LAMTOR1: variants seen among roughly 807,000 people sequenced by gnomAD.
LAMTOR1 encodes ragulator complex protein LAMTOR1.
Under a neutral mutation model 20.5 loss-of-function variants are expected in LAMTOR1, and 8 were observed. The observed-to-expected ratio is 0.39, with a 90% CI of 0.23 to 0.70. The LOEUF is 0.70. Among genes scored for constraint, LAMTOR1 ranks in the 30% least tolerant of loss-of-function variants. The pLI is 0.43. For missense variants in LAMTOR1, 135 were observed against 206.2 expected, an observed-to-expected ratio of 0.65 and a Z score of 2.11; for synonymous variants, 77 against 80.9, an observed-to-expected ratio of 0.95 and a Z score of 0.26.
Position 72,097,860 on chromosome 11 carries a change from C to T in LAMTOR1, c.448G>A (p.Ala150Thr), listed in dbSNP as rs746945929. 6 of 1,612,954 alleles carry T rather than the reference C, an allele frequency of 3.7e-6. No individual in the cohort carries two copies. The highest frequency in any genetic ancestry group is 2.2e-5 in the East Asian group (1 of 44,812). Residue 150 changes from alanine (A) to threonine (T), a missense_variant, in exon 5 of 5, where the codon GCA becomes ACA. Ala to Thr is a moderately conservative substitution (Grantham distance 58). Coordinates refer to ENST00000278671, the MANE Select transcript of LAMTOR1 (RefSeq NM_017907.3). ...YSALSQIRVD[A>T]KEELVVQFGI... ...AACTGTACAACCAGCTCCTCTTTTG[C>T]GTCCACACGGATCTGAGAAAGTGCA...
intron 1 of LAMTOR1, among the ~76,000 whole-genome samples, chr11:72,102,936 C>A (rs1222672161): frequency 6.6e-6 from 1 of 152,242 alleles, no homozygotes; most frequent in South Asian, 2.1e-4. Flanking sequence ...TAGGAGCAAA[C>A]GGAAGTGGTG....
chr11:72,099,214 G>T lies in LAMTOR1; in HGVS notation c.85C>A (p.Pro29Thr), dbSNP rs142245358. The T allele has an allele frequency of 4.4e-6, 7 of 1,607,406 alleles. No homozygotes were observed. The highest frequency in any genetic ancestry group is 1.7e-5 in the Admixed American group (1 of 59,334). Reference protein sequence around the residue: ...RKLLLDPSSPPTKALNGAEPN... With the variant: ...RKLLLDPSSPTTKALNGAEPN... ...TCGGCTCCATTGAGAGCTTTGGTAG[G>T]GGGGCTGCTAGGGTCCAGCAGCAGC... The change falls in exon 2 of 5, where the codon CCT becomes ACT. Residue 29 changes from proline (P) to threonine (T), a missense_variant. Transcript: ENST00000278671.
intron 1 of LAMTOR1, among the ~76,000 whole-genome samples, chr11:72,102,381 G>C (rs1011469419): frequency 1.3e-5 from 2 of 152,184 alleles, no homozygotes; most frequent in African/African-American, 4.8e-5. Context: ...AATGCACTAA[G>C]AGGAAGAGGG....
intron 1 of LAMTOR1, among the ~76,000 whole-genome samples, chr11:72,101,764 A>G (rs1945448603): frequency 6.6e-6 from 1 of 152,120 alleles, no homozygotes. Flanking sequence ...TAGGAACAGA[A>G]ATGAGAGCCC....
chr11:72,097,518 C>T lies in LAMTOR1; in HGVS notation c.*304G>A. 9 of 1,164,240 alleles carry T rather than the reference C, an allele frequency of 7.7e-6. No homozygotes were observed. The highest frequency in any genetic ancestry group is 9.6e-6 in the Non-Finnish European group (9 of 936,188). The allele number at this position is 1,164,240 out of a possible 1,614,324, so 72.1% of individuals were successfully genotyped here. A position where few individuals can be genotyped will look rare whatever the true frequency, so the allele number is the denominator to read the frequency against. ...GGGTGGGAAGGGGATCTCCCTAGGT[C>T]CCCTGGTGATCACCCCCCACCCAAA... On this transcript the variant is annotated 3_prime_UTR_variant, in exon 5 of 5. Transcript: ENST00000278671.
Position 72,097,790 on chromosome 11 carries a change from A to G in LAMTOR1, c.*32T>C. ...GGGGTGGGGTAGAGATGGGATGAAG[A>G]GAGGAGAAGAGCTGTCCAAGGACCC... On this transcript the variant is annotated 3_prime_UTR_variant, in exon 5 of 5. Coordinates refer to ENST00000278671, the MANE Select transcript of LAMTOR1 (RefSeq NM_017907.3). 4.3e-6 allele frequency: 7 copies of G among 1,613,840 alleles called. No individual in the cohort carries two copies. Among genetic ancestry groups the G allele is most frequent in the African/African-American group, 2.7e-5 (2 of 75,016 alleles).
rs774932576 is a variant in LAMTOR1 at position 72,099,272 on chromosome 11, G to A, written c.43-16C>T. 2 of 1,534,574 alleles carry A rather than the reference G, an allele frequency of 1.3e-6. No homozygotes were observed. Among genetic ancestry groups the A allele is most frequent in the African/African-American group, 1.4e-5 (1 of 72,562 alleles). ...CCTCTCGGTCCTAGAAGTGGTCATG[G>A]GAGAGAAGTCAGCCCCAGGACCCGT... On this transcript the variant is annotated splice_polypyrimidine_tract_variant and intron_variant, in intron 1 of 4. Transcript: ENST00000278671.
rs753760814 is a variant in LAMTOR1 at position 72,098,428 on chromosome 11, G to A, written c.267-13C>T. The A allele has an allele frequency of 1.9e-6, 3 of 1,608,092 alleles. No individual in the cohort carries two copies. The highest frequency in any genetic ancestry group is 1.1e-5 in the South Asian group (1 of 90,180). On this transcript the variant is annotated splice_polypyrimidine_tract_variant and intron_variant, in intron 3 of 4. Coordinates refer to ENST00000278671, the MANE Select transcript of LAMTOR1 (RefSeq NM_017907.3). ...AGCCAAGCGGGTGCTGACCAAGAGA[G>A]AGGGGGTGGGGGTAGGCAGTTAAGC...
rs1246584336 is a variant in LAMTOR1 at position 72,103,273 on chromosome 11, C to G, written c.-49G>C. Reference sequence around the variant, plus strand: ...AGGCCGCGCCGAGGAGGGACGGCGTCCGTGAGGAGCCCTTCCGGTCACATG... The same window carrying G: ...AGGCCGCGCCGAGGAGGGACGGCGTGCGTGAGGAGCCCTTCCGGTCACATG... On this transcript the variant is annotated 5_prime_UTR_variant, in exon 1 of 5. Coordinates refer to ENST00000278671, the MANE Select transcript of LAMTOR1 (RefSeq NM_017907.3). The G allele has an allele frequency of 7.8e-6, 12 of 1,542,014 alleles. No individual in the cohort carries two copies. Among genetic ancestry groups the G allele is most frequent in the Non-Finnish European group, 1.0e-5 (12 of 1,144,044 alleles).
At chr11:72,098,128 A>C in intron 4 of LAMTOR1, 161 bp downstream of exon 4, 1 of 1,064,066 alleles carries the variant, frequency 9.4e-7, no homozygotes, top group East Asian at 2.6e-5. Context: ...GAAAGACATA[A>C]AAAGTTAAGA....
Position 72,097,699 on chromosome 11 carries a change from C to T in LAMTOR1, c.*123G>A. The stretch of plus-strand genomic sequence containing the variant: ...GCCTTCCTCTTCTCCTCCTTCTTCA[C>T]ATTTTTCTCTGTGATTAGTAGCAGG... On this transcript the variant is annotated 3_prime_UTR_variant, in exon 5 of 5. Transcript: ENST00000278671. 6.4e-7 allele frequency: 1 copy of T among 1,561,822 alleles called. No homozygotes were observed. Among genetic ancestry groups the T allele is most frequent in the Non-Finnish European group, 8.7e-7 (1 of 1,152,114 alleles).
At chr11:72,098,728 T>C in intron 3 of LAMTOR1, 53 bp downstream of exon 3, 2 of 1,315,628 alleles carry the variant, frequency 1.5e-6, no homozygotes, top group Non-Finnish European at 2.1e-6. Flanking sequence ...GGAACAGTGA[T>C]GGAGGGTGGG....
intron 1 of LAMTOR1, among the ~76,000 whole-genome samples, chr11:72,102,132 C>T (rs1471089948): frequency 6.6e-6 from 1 of 152,186 alleles, no homozygotes; most frequent in South Asian, 2.1e-4. Flanking sequence ...ATCCAAAATA[C>T]GTTCACTGAA....
At chr11:72,097,999 G>T (rs1206934198) in intron 4 of LAMTOR1, 85 bp from the exon 5 acceptor site, 5 of 1,459,874 alleles carry the variant, frequency 3.4e-6, no homozygotes, top group Non-Finnish European at 4.6e-6. Context: ...AGATTAGATG[G>T]TGATGGAGAA....
At chr11:72,099,387 C>T (rs1945356844) in intron 1 of LAMTOR1, 131 bp from the exon 2 acceptor site, 2 of 990,952 alleles carry the variant, frequency 2.0e-6, no homozygotes, top group Admixed American at 3.2e-5. Context: ...AAGTGCCCAG[C>T]TTTATGGAAT....
At chr11:72,098,649 G>A in intron 3 of LAMTOR1, 132 bp downstream of exon 3, 1 of 790,928 alleles carries the variant, frequency 1.3e-6, no homozygotes, top group East Asian at 2.7e-5. Context: ...AAGCACCCAA[G>A]TGATCTGTGG....
chr11:72,099,095 G>C lies in LAMTOR1; in HGVS notation c.188+16C>G. On this transcript the variant is annotated intron_variant, in intron 2 of 4. Coordinates refer to ENST00000278671, the MANE Select transcript of LAMTOR1 (RefSeq NM_017907.3). Reference sequence around the variant, plus strand: ...ATAGAGGAGCTCTGACCCAGGCCTGGTCCTCTGACACTTACCTGGCTGTCT... The same window carrying C: ...ATAGAGGAGCTCTGACCCAGGCCTGCTCCTCTGACACTTACCTGGCTGTCT... 1 of 1,610,616 alleles carries C rather than the reference G, an allele frequency of 6.2e-7. No homozygotes were observed. Among genetic ancestry groups the C allele is most frequent in the Non-Finnish European group, 8.5e-7 (1 of 1,179,452 alleles).
intron 3 of LAMTOR1, 85 bp downstream of exon 3, chr11:72,098,696 C>T: frequency 1.9e-6 from 2 of 1,047,588 alleles, no homozygotes; most frequent in South Asian, 3.3e-5. Flanking sequence ...GAAGCTTGGA[C>T]TAGGGGCCAG....
chr11:72,099,280 G>A, intron 1 of LAMTOR1, 24 bp from the exon 2 acceptor site: 2 of 1,526,538 alleles, frequency 1.3e-6, no homozygotes, highest in Non-Finnish European at 1.8e-6. Context: ...TGGGAGAGAA[G>A]TCAGCCCCAG....
Sources: gnomAD v4.1 joint callset for allele counts (sites outside exome capture counted in the v4.1 genomes callset) on GRCh38, gnomAD v4.1.1 for gene constraint, MANE v1.5 for transcripts, NCBI Gene and HGNC (gene_info 2026-07-23, HGNC 2026-07-21) for gene names.